The following GOLGA3 variants were observed in gnomAD, a reference collection of about 807,000 sequenced individuals.
The protein encoded by GOLGA3 is golgin subfamily A member 3.
GOLGA3 carries 75 observed loss-of-function variants against 169.4 expected under a neutral mutation model. The observed-to-expected ratio is 0.44, with a 90% CI of 0.37 to 0.54. The LOEUF (loss-of-function observed/expected upper bound fraction) is 0.54, where lower values mean the gene tolerates loss of function less well. Among genes scored for constraint, GOLGA3 ranks in the 20% least tolerant of loss-of-function variants. The probability of loss-of-function intolerance (pLI) is 0.00; values close to 1 mark genes in which losing one functional copy is unlikely to be tolerated. For missense variants in GOLGA3, 1,899 were observed against 1,930.0 expected, an observed-to-expected ratio of 0.98 and a Z score of 0.30; for synonymous variants, 824 against 822.4, an observed-to-expected ratio of 1.00 and a Z score of -0.03.
chr12:132,788,962 A>AGACACCGGCCCCC, intron 13 of GOLGA3, 65 bp downstream of exon 13: 2 of 310,592 alleles, frequency 6.4e-6, no homozygotes, highest in Non-Finnish European at 9.3e-6. Context: ...CACAGGCCCC[A>AGACACCGGCCCCC]CCCTCCCGAC....
chr12:132,813,460 C>G (rs776394049), intron 3 of GOLGA3, 41 bp from the exon 4 acceptor site: 1 of 1,113,586 alleles, frequency 9.0e-7, no homozygotes, highest in African/African-American at 1.5e-5. Flanking sequence ...CATAAAATAC[C>G]AGGATGCAGA....
intron 16 of GOLGA3, among the ~76,000 whole-genome samples, chr12:132,783,102 G>A (rs1255766647): frequency 6.6e-6 from 1 of 152,010 alleles, no homozygotes; most frequent in Non-Finnish European, 1.5e-5. Flanking sequence ...AGAATGAGGC[G>A]GGAAAATCAC....
chr12:132,801,132 G>C (rs1593315157), intron 8 of GOLGA3, among the ~76,000 whole-genome samples: 1 of 152,258 alleles, frequency 6.6e-6, no homozygotes, highest in East Asian at 1.9e-4. Context: ...CCGAGGCACA[G>C]GCCTGGACGG....
rs1054048301 is a variant in GOLGA3 at position 132,777,464 on chromosome 12, C to A, written c.3722+202G>T. 2.6e-5 allele frequency among the ~76,000 whole-genome samples: 4 copies of A among 152,224 alleles called. No individual in the cohort carries two copies. In the East Asian group the frequency reaches 5.8e-4, roughly 22 times the overall value. ...AAGTACTCCTGCTGGGGCGCTTTCT[C>A]TCTTGGGGGGAGGACACGGGGCAGT... On this transcript the variant is annotated intron_variant, in intron 19 of 23. Transcript: ENST00000450791. This position sits in a 1 kb window ranked among gnomAD's most constrained non-coding sequence, Gnocchi z 4.7.
intron 11 of GOLGA3, among the ~76,000 whole-genome samples, chr12:132,791,950 ATAGGAGGGGAATGTGTCTG>A: frequency 7.4e-6 from 1 of 134,728 alleles, no homozygotes; most frequent in East Asian, 2.2e-4. Context: ...ACTGAGGACT[ATAGGAGGGGAATGTGTCTG>A]CACAGATGTT....
At position 132,815,493 on chromosome 12, in the gene GOLGA3, C is replaced by T. The variant is rs531236517; in HGVS notation, c.406+1047G>A. 3.7e-4 allele frequency among the ~76,000 whole-genome samples: 57 copies of T among 152,314 alleles called. 1 individual carries two copies. The South Asian group carries it at 0.01, about 27-fold the overall frequency. ...TACATGCTACTTCTCAACTTAAATGCTGGCAGTGAGTTTTCAGAATTGTTT... is the reference window on the plus strand; with the variant it reads ...TACATGCTACTTCTCAACTTAAATGTTGGCAGTGAGTTTTCAGAATTGTTT... On this transcript the variant is annotated intron_variant, in intron 3 of 23. Transcript: ENST00000450791.
Position 132,780,790 on chromosome 12 carries a change from G to C in GOLGA3, c.3582+8C>G. On this transcript the variant is annotated splice_region_variant and intron_variant, in intron 18 of 23. Transcript: ENST00000450791. ...GGAACGCCCTGTGAGACGGAAGGTG[G>C]CACGCACCTGCTCCTTGAGGCTGTT... The C allele has an allele frequency of 6.4e-7, 1 of 1,555,866 alleles. No individual in the cohort carries two copies. The highest frequency in any genetic ancestry group is 1.1e-5 in the South Asian group (1 of 89,850).
Position 132,798,374 on chromosome 12 carries a change from T to C in GOLGA3, c.1904A>G (p.Lys635Arg). 1 of 1,613,344 alleles carries C rather than the reference T, an allele frequency of 6.2e-7. No homozygotes were observed. Among genetic ancestry groups the C allele is most frequent in the Non-Finnish European group, 8.5e-7 (1 of 1,179,802 alleles). Residue 635 changes from lysine to arginine, a missense_variant, in exon 9 of 24, where the codon AAG becomes AGG. Transcript: ENST00000450791. ...TETQHRSMKE[K>R]GRIAAQLQGI... Reference sequence around the variant, plus strand: ...CTGCAGCTGTGCCGCGATGCGCCCCTTCTCCTTCATGGACCTGTGCTGAGT... The same window carrying C: ...CTGCAGCTGTGCCGCGATGCGCCCCCTCTCCTTCATGGACCTGTGCTGAGT...
In GOLGA3 at chr12:132,789,141, C is replaced by G. The variant is rs752418940; in HGVS notation, c.2697G>C (p.Ala899=). The change falls in exon 13 of 24, where the codon GCG becomes GCC. Residue 899 remains alanine, a synonymous_variant. Transcript: ENST00000450791. ...CCTCTCTGTGCAGGCGCGAGAGCTC[C>G]GCCTCGGCAGTCCGCTTCTCCCCGT... ...QVHGEKRTAE[A]ELSRLHREVA... 2 of 1,612,880 alleles carry G rather than the reference C, an allele frequency of 1.2e-6. No individual in the cohort carries two copies. The highest frequency in any genetic ancestry group is 2.7e-5 in the African/African-American group (2 of 74,942).
intron 1 of GOLGA3, among the ~76,000 whole-genome samples, chr12:132,823,301 A>G (rs1377164498): frequency 6.6e-6 from 1 of 152,148 alleles, no homozygotes; most frequent in Admixed American, 6.5e-5. Context: ...GATATTATTA[A>G]CTCATTTCCT....
intron 6 of GOLGA3, 90 bp downstream of exon 6, chr12:132,807,087 C>T (rs995977307): frequency 1.6e-5 from 12 of 731,442 alleles, no homozygotes; most frequent in Non-Finnish European, 2.8e-5. Flanking sequence ...TGATTCCCAA[C>T]CACATCTGTG....
At chr12:132,780,409 G>A (rs1016067707) in intron 18 of GOLGA3, among the ~76,000 whole-genome samples, 27 of 152,066 alleles carry the variant, frequency 1.8e-4, no homozygotes, top group Non-Finnish European at 3.4e-4. Flanking sequence ...CAGGGCAGGG[G>A]CCAGCCACGA....
chr12:132,823,808 T>TGTGATGGC (rs1392315457), intron 1 of GOLGA3, among the ~76,000 whole-genome samples: 2 of 144,510 alleles, frequency 1.4e-5, no homozygotes, highest in Non-Finnish European at 3.0e-5. Flanking sequence ...AAGGGCTGCG[T>TGTGATGGC]GTGATGGCTC....
At chr12:132,825,284 A>T (rs1485262571) in intron 1 of GOLGA3, among the ~76,000 whole-genome samples, 1 of 152,060 alleles carries the variant, frequency 6.6e-6, no homozygotes, top group Non-Finnish European at 1.5e-5. Context: ...CCGCAGGTAA[A>T]GTGTCTCGTC....
chr12:132,786,638 G>GCCCC, intron 14 of GOLGA3, 55 bp downstream of exon 14: 1 of 915,636 alleles, frequency 1.1e-6, no homozygotes, highest in Non-Finnish European at 1.6e-6. Context: ...CTCCCCCCCG[G>GCCCC]CCCCCGCACC....
In GOLGA3 at chr12:132,769,270, G is replaced by C. The variant is rs74457353; in HGVS notation, c.*3835C>G. 8.1e-3 allele frequency: 1,227 copies of C among 152,362 alleles called. 20 individuals carry two copies. Among genetic ancestry groups the C allele is most frequent in the African/African-American group, 0.026 (1,092 of 41,576 alleles). The allele number at this position is 152,362 out of a possible 1,614,324, so 9.4% of individuals were successfully genotyped here. ...CTCACATCAGAGGGCTCCTCGAAGG[G>C]AGGCCCCAGGACGGTTCTCTCAGAT... On this transcript the variant is annotated 3_prime_UTR_variant, in exon 24 of 24. Transcript: ENST00000450791.
In GOLGA3 at chr12:132,816,521, C is replaced by T. The variant is rs571958897; in HGVS notation, c.406+19G>A. Reference sequence around the variant, plus strand: ...ACGCGGACGTGGAGGGTGGGAAAAGCGGGGTAACGGATGCTTACACAGTTG... The same window carrying T: ...ACGCGGACGTGGAGGGTGGGAAAAGTGGGGTAACGGATGCTTACACAGTTG... On this transcript the variant is annotated intron_variant, in intron 3 of 23. Transcript: ENST00000450791. 1.2e-5 allele frequency: 19 copies of T among 1,605,834 alleles called. No individual in the cohort carries two copies. Among genetic ancestry groups the T allele is most frequent in the Admixed American group, 5.0e-5 (3 of 59,838 alleles).
At chr12:132,773,427 CCA>C in intron 23 of GOLGA3, 133 bp from the exon 24 acceptor site, 1 of 528,950 alleles carries the variant, frequency 1.9e-6, no homozygotes, top group South Asian at 2.6e-5. Flanking sequence ...CCAACTGAGA[CCA>C]CAGAAGCTCA....
At position 132,804,804 on chromosome 12, in the gene GOLGA3, G is replaced by A. The variant is rs144585286; in HGVS notation, c.1509C>T (p.Asn503=). 3.0e-5 allele frequency: 49 copies of A among 1,614,224 alleles called. No homozygotes were observed. The highest frequency in any genetic ancestry group is 2.5e-4 in the East Asian group (11 of 44,890). The change falls in exon 7 of 24, where the codon AAC becomes AAT. Residue 503 remains asparagine, a synonymous_variant. Transcript: ENST00000450791. The surrounding 1 kb of genome is among the most constrained non-coding windows in gnomAD (Gnocchi z 4.1). ...AKNASLASSN[N]DLQVAEEQYQ... is the part of the protein sequence containing the mutation. Reference sequence around the variant, plus strand: ...ACTGCTCCTCGGCCACCTGCAAGTCGTTGTTGGACGACGCCAGGCTGGCAT... The same window carrying A: ...ACTGCTCCTCGGCCACCTGCAAGTCATTGTTGGACGACGCCAGGCTGGCAT...
Sources: gnomAD v4.1 joint callset for allele counts (sites outside exome capture counted in the v4.1 genomes callset) on GRCh38, gnomAD v4.1.1 for gene constraint, Gnocchi (gnomAD v3.1) non-coding constraint, MANE v1.5 for transcripts, NCBI Gene and HGNC (gene_info 2026-07-23, HGNC 2026-07-21) for gene names.